Variants in DPYSL2 observed in about 807,000 individuals in gnomAD.
DPYSL2 encodes the protein dihydropyrimidinase-related protein 2.
A neutral mutation model predicts 69.9 loss-of-function variants in DPYSL2; 13 were observed. That is an observed-to-expected ratio of 0.19 (90% CI 0.12 to 0.30). The LOEUF (loss-of-function observed/expected upper bound fraction) is 0.30. Ranked by LOEUF, DPYSL2 falls within the 10% of genes least tolerant of loss-of-function variation. DPYSL2 has a pLI of 1.00. For missense variants in DPYSL2, 587 were observed against 918.9 expected (o/e 0.64, Z 4.67); for synonymous variants, 326 against 359.1 (o/e 0.91, Z 1.04).
At chr8:26,530,113 CAAAAAAA>C (rs34448431) in intron 1 of DPYSL2, among the ~76,000 whole-genome samples, 1 of 72,040 alleles carries the variant, frequency 1.4e-5, no homozygotes, top group South Asian at 6.3e-4. Context: ...ACTCCGTCTC[CAAAAAAA>C]AAAAAAAAAA....
chr8:26,568,432 G>A (rs1350493057), intron 1 of DPYSL2, among the ~76,000 whole-genome samples: 2 of 152,178 alleles, frequency 1.3e-5, no homozygotes, highest in Non-Finnish European at 2.9e-5. Context: ...GGCACACAAG[G>A]TCAGTAATAA....
chr8:26,611,803 G>T (rs111699779), intron 3 of DPYSL2, among the ~76,000 whole-genome samples: 2,513 of 152,252 alleles, frequency 0.017, 70 homozygotes, highest in African/African-American at 0.058. Flanking sequence ...CATAAACATG[G>T]AGCTGAGACA....
At position 26,517,949 on chromosome 8, in the gene DPYSL2, T is replaced by C. The variant is rs1808319783; in HGVS notation, c.354+3270T>C. Among the ~76,000 whole-genome samples the C allele has an allele frequency of 6.6e-6, 1 of 152,232 alleles. No individual in the cohort carries two copies. Among genetic ancestry groups the C allele is most frequent in the Non-Finnish European group, 1.5e-5 (1 of 68,044 alleles). ...GCTGCCCTCTAACTGTACAACGTCA[T>C]CCCTACTCCATCCCCATAGCATGCC... On this transcript the variant is annotated intron_variant, in intron 1 of 13. Coordinates refer to ENST00000521913, the MANE Select transcript of DPYSL2 (RefSeq NM_001197293.3). This position sits in a 1 kb window ranked among gnomAD's most constrained non-coding sequence, Gnocchi z 4.2.
intron 3 of DPYSL2, among the ~76,000 whole-genome samples, chr8:26,594,629 C>A (rs931302423): frequency 5.9e-5 from 9 of 152,096 alleles, no homozygotes; most frequent in African/African-American, 2.2e-4. Context: ...TTTTACTTAT[C>A]CTAATCTATC....
chr8:26,530,063 G>C (rs1419965266), intron 1 of DPYSL2, among the ~76,000 whole-genome samples: 1 of 124,952 alleles, frequency 8.0e-6, no homozygotes, highest in East Asian at 2.5e-4. Flanking sequence ...AGTGAGCCGA[G>C]ATCGTGCCAT....
intron 1 of DPYSL2, among the ~76,000 whole-genome samples, chr8:26,576,169 TCA>T (rs1801340478): frequency 6.6e-6 from 1 of 152,172 alleles, no homozygotes; most frequent in African/African-American, 2.4e-5. Flanking sequence ...TTCTGGGACT[TCA>T]GATTTTTAGA....
chr8:26,520,474 G>GT (rs11434566), intron 1 of DPYSL2, among the ~76,000 whole-genome samples: 86,295 of 145,382 alleles, frequency 0.59, 26,131 homozygotes, highest in East Asian at 0.92. Flanking sequence ...CTGAATGCCT[G>GT]TTTTTTTTTT....
intron 1 of DPYSL2, among the ~76,000 whole-genome samples, chr8:26,528,551 G>A (rs1680198685): frequency 6.6e-6 from 1 of 151,884 alleles, no homozygotes. Flanking sequence ...GGAGGCTGAG[G>A]CAGGAGAATC....
rs1056242402 is a variant in DPYSL2, at chr8:26,562,934, G to T, written c.355-19035G>T. Among the ~76,000 whole-genome samples the T allele has an allele frequency of 9.9e-5, 15 of 152,254 alleles. No homozygotes were observed. Among genetic ancestry groups the T allele is most frequent in the African/African-American group, 3.6e-4 (15 of 41,556 alleles). On this transcript the variant is annotated intron_variant, in intron 1 of 13. Transcript: ENST00000521913. The surrounding 1 kb of genome is among the most constrained non-coding windows in gnomAD (Gnocchi z 4.9). ...GGAAGGCTGGGCTTGGGGGGACTCT[G>T]CTGGAATTCCTATATTGGTCTCTAC...
At position 26,648,713 on chromosome 8, in the gene DPYSL2, G is replaced by A. The variant is rs1803222226; in HGVS notation, c.1596+913G>A. Among the ~76,000 whole-genome samples the A allele has an allele frequency of 6.6e-6, 1 of 152,178 alleles. No homozygotes were observed. Among genetic ancestry groups the A allele is most frequent in the Non-Finnish European group, 1.5e-5 (1 of 68,040 alleles). ...CACTGACACCTCCCCCACACACCAC[G>A]ACAGCTTAGGGCAGGTTTCTGGCAT... On this transcript the variant is annotated intron_variant, in intron 11 of 13. Coordinates refer to ENST00000521913, the MANE Select transcript of DPYSL2 (RefSeq NM_001197293.3). The surrounding 1 kb of genome is among the most constrained non-coding windows in gnomAD (Gnocchi z 4.3).
In DPYSL2 at chr8:26,598,542, AG is replaced by A. The variant is rs1385737258; in HGVS notation, c.628+14561del. Among the ~76,000 whole-genome samples, 1 of 152,262 alleles carries A rather than the reference AG, an allele frequency of 6.6e-6. No homozygotes were observed. The highest frequency in any genetic ancestry group is 2.4e-5 in the African/African-American group (1 of 41,474). ...AATGTTAGTGCCAGCAGAAAGCACCAGGAGACACCCGATGTGCCCCCACCTT... is the reference window on the plus strand; with the variant it reads ...AATGTTAGTGCCAGCAGAAAGCACCAGAGACACCCGATGTGCCCCCACCTT... On this transcript the variant is annotated intron_variant, in intron 3 of 13. Transcript: ENST00000521913. The surrounding 1 kb of genome is among the most constrained non-coding windows in gnomAD (Gnocchi z 4.2).
chr8:26,630,308 G>A (rs62493370), intron 7 of DPYSL2, among the ~76,000 whole-genome samples: 2,230 of 152,258 alleles, frequency 0.015, 26 homozygotes, highest in Middle Eastern at 0.055. Context: ...TCCACCTGTC[G>A]GGTGGTTTAA....
At chr8:26,546,018 C>T (rs1800761836) in intron 1 of DPYSL2, among the ~76,000 whole-genome samples, 1 of 152,180 alleles carries the variant, frequency 6.6e-6, no homozygotes, top group Non-Finnish European at 1.5e-5. Flanking sequence ...TTGATATCCA[C>T]AAACAATTTG....
chr8:26,633,074 A>G (rs1802816346), intron 7 of DPYSL2, among the ~76,000 whole-genome samples: 1 of 152,338 alleles, frequency 6.6e-6, no homozygotes, highest in African/African-American at 2.4e-5. Flanking sequence ...GGGCTCAGTT[A>G]TTTCTTGTGA....
At chr8:26,524,835 A>AAAAG (rs1563374151) in intron 1 of DPYSL2, among the ~76,000 whole-genome samples, 21 of 74,210 alleles carry the variant, frequency 2.8e-4, no homozygotes, top group African/African-American at 6.5e-4. Flanking sequence ...AAAAAAAAAA[A>AAAAG]AGAGAGAGAA....
At position 26,642,723 on chromosome 8, in the gene DPYSL2, G is replaced by T. The variant is rs1803078490; in HGVS notation, c.1127-716G>T. ...AAGAGGACATGATCTGAGCATCAGG[G>T]AGTTGATGTTTGTCTTGGACATTGC... On this transcript the variant is annotated intron_variant, in intron 8 of 13. Coordinates refer to ENST00000521913, the MANE Select transcript of DPYSL2 (RefSeq NM_001197293.3). The surrounding 1 kb of genome is among the most constrained non-coding windows in gnomAD (Gnocchi z 5.3). 2 of 152,336 alleles carry T rather than the reference G, an allele frequency of 1.3e-5. No homozygotes were observed. The highest frequency in any genetic ancestry group is 4.2e-4 in the South Asian group (2 of 4,818). 9.4% of individuals were successfully genotyped at this position (152,336 alleles called of 1,614,324 possible).
intron 1 of DPYSL2, among the ~76,000 whole-genome samples, chr8:26,570,741 G>GAAAAAAAAA (rs572040580): frequency 3.7e-5 from 4 of 108,292 alleles, no homozygotes; most frequent in South Asian, 3.1e-4. Context: ...CTTAGAAAAG[G>GAAAAAAAAA]AAAAAAAAAA....
rs1040722943 is a variant in DPYSL2, at chr8:26,591,947, A to G, written c.628+7964A>G. Among the ~76,000 whole-genome samples, 45 of 152,160 alleles carry G rather than the reference A, an allele frequency of 3.0e-4. No individual in the cohort carries two copies. Among genetic ancestry groups the G allele is most frequent in the African/African-American group, 9.9e-4 (41 of 41,446 alleles). On this transcript the variant is annotated intron_variant, in intron 3 of 13. Transcript: ENST00000521913. This position sits in a 1 kb window ranked among gnomAD's most constrained non-coding sequence, Gnocchi z 5.8. Reference sequence around the variant, plus strand: ...GAAAGGGTGTTTAGTAAGCAGGCATATACCCACGGAGTCGCTTAAGAAAAC... The same window carrying G: ...GAAAGGGTGTTTAGTAAGCAGGCATGTACCCACGGAGTCGCTTAAGAAAAC...
chr8:26,532,903 G>A (rs1393796167), intron 1 of DPYSL2, among the ~76,000 whole-genome samples: 2 of 152,118 alleles, frequency 1.3e-5, no homozygotes, highest in African/African-American at 4.8e-5. Context: ...AAAATTCCTG[G>A]GTTATTTGGT....
Sources: gnomAD v4.1 joint callset for allele counts (sites outside exome capture counted in the v4.1 genomes callset) on GRCh38, gnomAD v4.1.1 for gene constraint, Gnocchi (gnomAD v3.1) non-coding constraint, MANE v1.5 for transcripts, NCBI Gene and HGNC (gene_info 2026-07-23, HGNC 2026-07-21) for gene names.